The following LAMB1 variants were observed in gnomAD, a reference collection of about 807,000 sequenced individuals.
The protein encoded by LAMB1 is laminin subunit beta 1.
A neutral mutation model predicts 222.3 loss-of-function variants in LAMB1; 121 were observed. That is an observed-to-expected ratio of 0.54 (90% confidence interval 0.47 to 0.63). The LOEUF (loss-of-function observed/expected upper bound fraction) is 0.63. Ranked by LOEUF, LAMB1 falls within the 30% of genes least tolerant of loss-of-function variation. The pLI is 0.00. For missense variants in LAMB1, 2,172 were observed against 2,240.8 expected (o/e 0.97, Z 0.62); for synonymous variants, 794 against 807.2 (o/e 0.98, Z 0.28).
Position 107,975,741 on chromosome 7 carries a change from C to T in LAMB1, c.1137G>A (p.Pro379=), listed in dbSNP as rs55675243. The T allele has an allele frequency of 2.6e-3, 4,188 of 1,613,226 alleles. 87 individuals are homozygous for T. The African/African-American group carries it at 0.048, about 18-fold the overall frequency. ...CCCTCTCTGGGTGCTGGTAGTAAAA[C>T]GGCTTGCACTGCTCACAGTTGCGCC... ...TMGRNCEQCK[P]FYYQHPERDI... The change falls in exon 10 of 34, where the codon CCG becomes CCA. Residue 379 remains proline (P), a synonymous_variant. Coordinates refer to ENST00000222399, the MANE Select transcript of LAMB1 (RefSeq NM_002291.3).
At chr7:107,947,979 TCTTC>T (rs1158750056) in intron 24 of LAMB1, among the ~76,000 whole-genome samples, 1 of 110,132 alleles carries the variant, frequency 9.1e-6, no homozygotes, top group East Asian at 3.3e-4. Flanking sequence ...TATATCTTCT[TCTTC>T]TTTTTTTTTT....
chr7:107,962,997 C>T lies in LAMB1; in HGVS notation c.1765G>A (p.Val589Ile), dbSNP rs757265252. 4.3e-6 allele frequency: 7 copies of T among 1,613,894 alleles called. No homozygotes were observed. The highest frequency in any genetic ancestry group is 2.2e-5 in the East Asian group (1 of 44,886). Residue 589 changes from valine to isoleucine, a missense_variant, in exon 15 of 34, where the codon GTC (valine) becomes ATC (isoleucine). Transcript: ENST00000222399. Reference protein sequence around the residue: ...RIPSWTGAGFVRVPEGAYLEF... With the variant: ...RIPSWTGAGFIRVPEGAYLEF... ...AAATAAGCCCCTTCAGGCACTCGGA[C>T]GAAGCCGGCTCCAGTCCAGGAGGGA...
At chr7:107,989,398 G>C (rs577269029) in intron 5 of LAMB1, among the ~76,000 whole-genome samples, 3 of 152,342 alleles carry the variant, frequency 2.0e-5, no homozygotes, top group African/African-American at 7.2e-5. Flanking sequence ...AAATTTGGGT[G>C]AGGGTTAATG....
intron 3 of LAMB1, among the ~76,000 whole-genome samples, chr7:107,999,329 C>T (rs2150456623): frequency 6.6e-6 from 1 of 152,336 alleles, no homozygotes; most frequent in Middle Eastern, 3.4e-3. Flanking sequence ...TAATAGTTCT[C>T]TTTCCACAAG....
rs997799853 is a variant in LAMB1 at position 107,926,216 on chromosome 7, A to G, written c.5031T>C (p.Tyr1677=). 1 of 1,613,898 alleles carries G rather than the reference A, an allele frequency of 6.2e-7. No homozygotes were observed. The highest frequency in any genetic ancestry group is 8.5e-7 in the Non-Finnish European group (1 of 1,179,802). The change falls in exon 32 of 34, where the codon TAT becomes TAC. Residue 1677 remains tyrosine (Y), a synonymous_variant. Transcript: ENST00000222399. ...CATCTTCTGCACTTTGCTTCACAGT[A>G]TATACTACTTTTTCAATATATTCTG... ...GEAEYIEKVV[Y]TVKQSAEDVK...
Position 107,937,061 on chromosome 7 carries a change from G to A in LAMB1, c.3946+32C>T, listed in dbSNP as rs767827615. 5.1e-6 allele frequency: 8 copies of A among 1,567,346 alleles called. No homozygotes were observed. The South Asian group carries it at 5.6e-5, about 11-fold the overall frequency. Reference sequence around the variant, plus strand: ...CGTTAGACATATCGTTAAATCCATTGTCTGGGACTATTTGCACCAAAAAAT... The same window carrying A: ...CGTTAGACATATCGTTAAATCCATTATCTGGGACTATTTGCACCAAAAAAT... On this transcript the variant is annotated intron_variant, in intron 26 of 33. Coordinates refer to ENST00000222399, the MANE Select transcript of LAMB1 (RefSeq NM_002291.3).
At chr7:107,965,536 G>A (rs769589079) in intron 13 of LAMB1, among the ~76,000 whole-genome samples, 8 of 152,150 alleles carry the variant, frequency 5.3e-5, no homozygotes, top group Non-Finnish European at 5.9e-5. Context: ...CTGAGATCAC[G>A]CCATTGCACT....
At chr7:107,982,005 A>T (rs1215606055) in intron 7 of LAMB1, among the ~76,000 whole-genome samples, 1 of 152,252 alleles carries the variant, frequency 6.6e-6, no homozygotes, top group Non-Finnish European at 1.5e-5. Flanking sequence ...TAGTGACATA[A>T]GCATAAATAA....
intron 24 of LAMB1, among the ~76,000 whole-genome samples, chr7:107,941,204 T>C (rs1328806022): frequency 6.6e-6 from 1 of 152,228 alleles, no homozygotes; most frequent in East Asian, 1.9e-4. Context: ...CCAGTAGCTG[T>C]GGCTGAGATT....
chr7:107,939,821 C>A (rs2032936854), intron 25 of LAMB1, among the ~76,000 whole-genome samples, 168 bp downstream of exon 25: 3 of 152,168 alleles, frequency 2.0e-5, no homozygotes, highest in Non-Finnish European at 4.4e-5. Context: ...GTTCACTCAC[C>A]CAAATGCCCA....
intron 3 of LAMB1, 52 bp from the exon 4 acceptor site, chr7:107,998,544 T>G (rs1563011943): frequency 1.1e-5 from 17 of 1,526,290 alleles, no homozygotes; most frequent in Non-Finnish European, 1.4e-5. Flanking sequence ...ATTAAAAACA[T>G]TTTTAATTAA....
At chr7:107,940,639 T>A in intron 24 of LAMB1, 1 of 375,222 alleles carries the variant, frequency 2.7e-6, no homozygotes, top group Non-Finnish European at 4.9e-6. Flanking sequence ...ATACGTGTTA[T>A]AATAATCACT....
At chr7:107,932,442 TGCA>T in intron 27 of LAMB1, 65 bp from the exon 28 acceptor site, 1 of 1,531,300 alleles carries the variant, frequency 6.5e-7, no homozygotes, top group South Asian at 1.1e-5. Flanking sequence ...AAAACAGCTG[TGCA>T]GGGCCTGGGT....
intron 12 of LAMB1, among the ~76,000 whole-genome samples, chr7:107,974,473 G>A (rs2033812670): frequency 2.0e-5 from 3 of 151,800 alleles, no homozygotes; most frequent in African/African-American, 7.3e-5. Context: ...TTTTTCCACT[G>A]TTGTTTCCAA....
chr7:107,973,156 C>T (rs948459886), intron 12 of LAMB1, 85 bp from the exon 13 acceptor site: 28 of 1,100,530 alleles, frequency 2.5e-5, no homozygotes, highest in South Asian at 3.8e-5. Flanking sequence ...AAGCTTGTTT[C>T]GGCTGTTCCA....
At chr7:107,957,022 A>C (rs1355185485) in intron 20 of LAMB1, among the ~76,000 whole-genome samples, 1 of 152,200 alleles carries the variant, frequency 6.6e-6, no homozygotes, top group Non-Finnish European at 1.5e-5. Flanking sequence ...TTACTTTTTT[A>C]TGTCCTACAA....
At position 107,963,973 on chromosome 7, in the gene LAMB1, C is replaced by CTA. The variant is rs2033569623; in HGVS notation, c.1698+577_1698+578dup. Among the ~76,000 whole-genome samples, 3 of 152,320 alleles carry CTA rather than the reference C, an allele frequency of 2.0e-5. No individual in the cohort carries two copies. The South Asian group carries it at 6.2e-4, about 32-fold the overall frequency. On this transcript the variant is annotated intron_variant, in intron 14 of 33. Transcript: ENST00000222399. Reference sequence around the variant, plus strand: ...ATTAGCCAGGCGTGGTGGCACATGCCTATAATCGAGCTACTCGGGAAGCTG... The same window carrying CTA: ...ATTAGCCAGGCGTGGTGGCACATGCCTATATAATCGAGCTACTCGGGAAGCTG...
chr7:107,959,187 C>T (rs2033439690), intron 20 of LAMB1, 62 bp downstream of exon 20: 4 of 1,367,824 alleles, frequency 2.9e-6, no homozygotes, highest in Non-Finnish European at 4.1e-6. Flanking sequence ...TGTGGTTGGT[C>T]TAAGATGCTG....
chr7:107,934,092 A>G (rs1371562301), intron 27 of LAMB1, among the ~76,000 whole-genome samples: 1 of 152,180 alleles, frequency 6.6e-6, no homozygotes, highest in Admixed American at 6.5e-5. Flanking sequence ...GTTAGCTGCA[A>G]TTTACACATT....
Sources: gnomAD v4.1 joint callset for allele counts (sites outside exome capture counted in the v4.1 genomes callset) on GRCh38, gnomAD v4.1.1 for gene constraint, MANE v1.5 for transcripts, NCBI Gene and HGNC (gene_info 2026-07-23, HGNC 2026-07-21) for gene names.